Variants in RBM46 observed in about 807,000 individuals in gnomAD.
RBM46 encodes the protein RNA binding motif protein 46.
A neutral mutation model predicts 43.3 loss-of-function variants in RBM46; 12 were observed. The observed-to-expected ratio is 0.28, with a 90% CI of 0.18 to 0.45. The LOEUF (loss-of-function observed/expected upper bound fraction) is 0.45. Among genes scored for constraint, RBM46 ranks in the 20% least tolerant of loss-of-function variants. The pLI is 1.00. For synonymous variants in RBM46, 205 were observed against 207.6 expected (o/e 0.99, Z 0.11); for missense variants, 412 against 639.1 (o/e 0.64, Z 3.83).
chr4:154,797,372 G>T (rs1734406099), intron 2 of RBM46, among the ~76,000 whole-genome samples: 1 of 152,122 alleles, frequency 6.6e-6, no homozygotes, highest in Admixed American at 6.6e-5. Flanking sequence ...TGGCTTCTGG[G>T]TACCTCAATG....
In RBM46 at chr4:154,799,591, G is replaced by A. The variant is rs747923497; in HGVS notation, c.1402+27G>A. 6 of 1,411,206 alleles carry A rather than the reference G, an allele frequency of 4.3e-6. No homozygotes were observed. In the Middle Eastern group the frequency reaches 1.0e-3, roughly 247 times the overall value. 87.4% of individuals were successfully genotyped at this position (1,411,206 alleles called of 1,614,324 possible). A position where few individuals can be genotyped will look rare whatever the true frequency, so the allele number is the denominator to read the frequency against. On this transcript the variant is annotated intron_variant, in intron 4 of 4. Coordinates refer to ENST00000281722, the MANE Select transcript of RBM46 (RefSeq NM_144979.5). ...TAAGTTTAAAAATACTTTAAATGAT[G>A]TATAATATGAAATTAGGAAATACTG...
chr4:154,815,848 C>T (rs1169848226), intron 4 of RBM46, among the ~76,000 whole-genome samples: 1 of 152,050 alleles, frequency 6.6e-6, no homozygotes, highest in Admixed American at 6.6e-5. Context: ...TTACTCACCA[C>T]AGGGTCATGA....
chr4:154,804,362 T>C (rs983147029), intron 4 of RBM46, among the ~76,000 whole-genome samples: 16 of 152,214 alleles, frequency 1.1e-4, no homozygotes, highest in Non-Finnish European at 2.1e-4. Flanking sequence ...GTTATCTGTT[T>C]AGTAATAAAG....
At chr4:154,814,686 C>G (rs1370646724) in intron 4 of RBM46, among the ~76,000 whole-genome samples, 2 of 151,910 alleles carry the variant, frequency 1.3e-5, no homozygotes, top group African/African-American at 2.4e-5. Context: ...TTCTATGTAG[C>G]ATCTGTATTG....
At chr4:154,825,955 C>T (rs1735937246) in intron 4 of RBM46, among the ~76,000 whole-genome samples, 1 of 152,000 alleles carries the variant, frequency 6.6e-6, no homozygotes, top group African/African-American at 2.4e-5. Flanking sequence ...TGTTGATGAC[C>T]ACATTGTTAA....
At chr4:154,800,806 T>C (rs1049069115) in intron 4 of RBM46, among the ~76,000 whole-genome samples, 2 of 152,190 alleles carry the variant, frequency 1.3e-5, no homozygotes, top group Non-Finnish European at 2.9e-5. Context: ...TTATTTTTTA[T>C]ATGGTTGCAG....
chr4:154,785,445 C>G (rs1733714392), intron 1 of RBM46, among the ~76,000 whole-genome samples: 1 of 150,984 alleles, frequency 6.6e-6, no homozygotes, highest in Non-Finnish European at 1.5e-5. Flanking sequence ...AAGTTAAATT[C>G]TACATTTTGG....
chr4:154,805,543 T>C (rs1209165448), intron 4 of RBM46, among the ~76,000 whole-genome samples: 1 of 152,042 alleles, frequency 6.6e-6, no homozygotes, highest in Non-Finnish European at 1.5e-5. Flanking sequence ...TTTTTTCAAA[T>C]GAAGCTTTTA....
chr4:154,798,037 T>G lies in RBM46; in HGVS notation c.378T>G (p.Ile126Met), dbSNP rs79167802. The G allele has an allele frequency of 0.02, 31,811 of 1,613,818 alleles. 751 individuals carry two copies. The highest frequency in any genetic ancestry group is 0.15 in the East Asian group (6,524 of 44,858). The change falls in exon 3 of 5, where the codon ATT (isoleucine) becomes ATG (methionine). Residue 126 changes from isoleucine to methionine, a missense_variant. By Grantham distance (10) the Ile-to-Met change is conservative. Transcript: ENST00000281722. ...TCAGAATTCTTAATAATTATGAAAT[T>G]CGACCAGGGAAGTTTATTGGTGTGT... The part of the protein sequence containing the change: ...LAIRILNNYE[I>M]RPGKFIGVCV...
At chr4:154,813,528 A>C (rs1735284858) in intron 4 of RBM46, among the ~76,000 whole-genome samples, 1 of 152,078 alleles carries the variant, frequency 6.6e-6, no homozygotes, top group Admixed American at 6.6e-5. Context: ...TACAGTATAG[A>C]ATATAATGAT....
chr4:154,812,778 G>A (rs765315648), intron 4 of RBM46, among the ~76,000 whole-genome samples: 11 of 151,988 alleles, frequency 7.2e-5, no homozygotes, highest in African/African-American at 2.2e-4. Context: ...TAACCTAACC[G>A]TAGCCATACA....
chr4:154,823,999 A>G (rs867075681), intron 4 of RBM46, among the ~76,000 whole-genome samples: 24 of 151,980 alleles, frequency 1.6e-4, no homozygotes, highest in South Asian at 8.3e-4. Flanking sequence ...AATTTGTTCT[A>G]TGAAAATATG....
intron 1 of RBM46, among the ~76,000 whole-genome samples, chr4:154,788,889 G>A (rs1022809588): frequency 4.6e-5 from 7 of 152,136 alleles, no homozygotes; most frequent in Non-Finnish European, 1.0e-4. Context: ...TCCTTGAAGA[G>A]GTCCTTCACA....
intron 4 of RBM46, among the ~76,000 whole-genome samples, chr4:154,815,923 A>G: frequency 6.6e-6 from 1 of 152,056 alleles, no homozygotes; most frequent in Non-Finnish European, 1.5e-5. Flanking sequence ...AATGCGAAGT[A>G]TCAGAGTCCG....
chr4:154,813,932 A>G (rs896589553), intron 4 of RBM46, among the ~76,000 whole-genome samples: 3 of 152,044 alleles, frequency 2.0e-5, no homozygotes, highest in African/African-American at 7.2e-5. Flanking sequence ...TAAAATTTAT[A>G]TGGAATTTTC....
chr4:154,802,252 AAG>A (rs1423122297), intron 4 of RBM46, among the ~76,000 whole-genome samples: 1 of 152,190 alleles, frequency 6.6e-6, no homozygotes, highest in Non-Finnish European at 1.5e-5. Flanking sequence ...GAGAAGGAGA[AAG>A]AGAATTCAGG....
intron 4 of RBM46, among the ~76,000 whole-genome samples, chr4:154,814,872 A>G (rs1735352097): frequency 2.6e-5 from 4 of 151,526 alleles, no homozygotes; most frequent in South Asian, 2.1e-4. Flanking sequence ...AAGCTATAAC[A>G]TTACATACAA....
chr4:154,821,919 C>CTAA (rs1394930035), intron 4 of RBM46, among the ~76,000 whole-genome samples: 2 of 151,704 alleles, frequency 1.3e-5, no homozygotes, highest in African/African-American at 4.8e-5. Context: ...AGGTAGCAAC[C>CTAA]TGTTTAATGT....
intron 4 of RBM46, among the ~76,000 whole-genome samples, chr4:154,803,559 C>T (rs1734743630): frequency 1.3e-5 from 2 of 151,446 alleles, no homozygotes; most frequent in South Asian, 2.1e-4. Context: ...AAAAATTAGC[C>T]GGGCGTGGTG....
Sources: gnomAD v4.1 joint callset for allele counts (sites outside exome capture counted in the v4.1 genomes callset) on GRCh38, gnomAD v4.1.1 for gene constraint, MANE v1.5 for transcripts, NCBI Gene and HGNC (gene_info 2026-07-23, HGNC 2026-07-21) for gene names.